The following ELMO1 variants were observed in gnomAD, a reference collection of about 807,000 sequenced individuals.
The protein encoded by ELMO1 is engulfment and cell motility 1.
In ELMO1, 26 loss-of-function variants were observed where a neutral mutation model predicts 98.9. The observed-to-expected ratio is 0.26, with a 90% CI of 0.19 to 0.36. The LOEUF is 0.36. Among genes scored for constraint, ELMO1 ranks in the 10% least tolerant of loss-of-function variants. ELMO1 has a pLI of 1.00. For synonymous variants in ELMO1, 346 were observed against 346.0 expected (o/e 1.00, Z 0.00); for missense variants, 627 against 935.2 (o/e 0.67, Z 4.30).
At chr7:37,213,247 T>G (rs1282454863) in intron 12 of ELMO1, 88 bp downstream of exon 12, 2 of 1,497,924 alleles carry the variant, frequency 1.3e-6, no homozygotes, top group African/African-American at 2.8e-5. Context: ...ACTCTGAAAC[T>G]CCCTAGTTTC....
intron 13 of ELMO1, among the ~76,000 whole-genome samples, chr7:37,158,527 T>C (rs1007712616): frequency 2.6e-5 from 4 of 152,222 alleles, no homozygotes; most frequent in Non-Finnish European, 5.9e-5. Context: ...AGAAGACATT[T>C]ATGCAGCCAA....
intron 13 of ELMO1, among the ~76,000 whole-genome samples, chr7:37,155,503 A>AAAAAAAAAAAAT (rs61189239): frequency 0.055 from 7,308 of 131,722 alleles, 215 homozygotes; most frequent in Middle Eastern, 0.12. Flanking sequence ...AAAAAAAAAA[A>AAAAAAAAAAAAT]AAAAAGCAGG....
chr7:37,335,555 G>A (rs1800355745), intron 2 of ELMO1, among the ~76,000 whole-genome samples: 1 of 152,174 alleles, frequency 6.6e-6, no homozygotes, highest in African/African-American at 2.4e-5. Flanking sequence ...AATCATCCAT[G>A]TCTATTTTTT....
At chr7:36,905,136 GA>G (rs1172082139) in intron 16 of ELMO1, among the ~76,000 whole-genome samples, 1 of 152,176 alleles carries the variant, frequency 6.6e-6, no homozygotes, top group Non-Finnish European at 1.5e-5. Flanking sequence ...TTCTTTTCTG[GA>G]AAACTCTTTC....
intron 13 of ELMO1, among the ~76,000 whole-genome samples, chr7:37,186,448 C>A (rs765168556): frequency 3.9e-5 from 6 of 152,018 alleles, no homozygotes; most frequent in Non-Finnish European, 8.8e-5. Context: ...AAATAAAAAA[C>A]AAACTAGATA....
intron 17 of ELMO1, among the ~76,000 whole-genome samples, chr7:36,890,652 A>C (rs1805473377): frequency 6.6e-6 from 1 of 151,910 alleles, no homozygotes; most frequent in African/African-American, 2.4e-5. Context: ...CACTATAATC[A>C]TTTCTCATCA....
intron 20 of ELMO1, among the ~76,000 whole-genome samples, chr7:36,869,162 A>G (rs941972814): frequency 1.9e-4 from 29 of 152,252 alleles, no homozygotes; most frequent in African/African-American, 6.3e-4. Context: ...GATAGACCAC[A>G]GATCCTGGCC....
chr7:37,314,638 A>C (rs1364345406), intron 4 of ELMO1, among the ~76,000 whole-genome samples: 1 of 152,220 alleles, frequency 6.6e-6, no homozygotes, highest in Non-Finnish European at 1.5e-5. Context: ...TTGCTAAACA[A>C]GACACGAAAC....
chr7:37,104,431 C>T (rs957191953), intron 14 of ELMO1, among the ~76,000 whole-genome samples: 10 of 152,018 alleles, frequency 6.6e-5, no homozygotes, highest in Non-Finnish European at 1.5e-4. Flanking sequence ...GAGGTGGAAC[C>T]CACAAAAATA....
intron 15 of ELMO1, among the ~76,000 whole-genome samples, chr7:37,025,598 A>C (rs1327414169): frequency 6.6e-6 from 1 of 152,030 alleles, no homozygotes; most frequent in Non-Finnish European, 1.5e-5. Context: ...TTCTTGCCTC[A>C]CTGCTTGAGC....
intron 16 of ELMO1, among the ~76,000 whole-genome samples, chr7:36,954,697 T>C (rs1015032199): frequency 6.6e-6 from 1 of 152,198 alleles, no homozygotes; most frequent in Non-Finnish European, 1.5e-5. Context: ...ATTAATAGGC[T>C]GGGCAACTTC....
chr7:36,995,507 A>C (rs1792144664), intron 16 of ELMO1, among the ~76,000 whole-genome samples: 1 of 131,674 alleles, frequency 7.6e-6, no homozygotes, highest in African/African-American at 3.1e-5. Context: ...ACTCTGTCTC[A>C]AAAAAAAAAA....
At chr7:37,216,797 A>G in intron 10 of ELMO1, 102 bp from the exon 11 acceptor site, 2 of 1,120,590 alleles carry the variant, frequency 1.8e-6, no homozygotes, top group Non-Finnish European at 2.7e-6. Flanking sequence ...GTAACTGTAT[A>G]TCAGCAGTAT....
chr7:36,861,733 C>G lies in ELMO1; in HGVS notation c.1909G>C (p.Val637Leu). The G allele has an allele frequency of 1.9e-6, 3 of 1,613,094 alleles. No individual in the cohort carries two copies. The highest frequency in any genetic ancestry group is 2.5e-6 in the Non-Finnish European group (3 of 1,179,832). Residue 637 changes from valine to leucine, a missense_variant, in exon 21 of 22, where the codon GTG becomes CTG. By Grantham distance (32) the Val-to-Leu change is conservative (BLOSUM62 1). Coordinates refer to ENST00000310758, the MANE Select transcript of ELMO1 (RefSeq NM_014800.11). ...EKGALKQNKE[V>L]LELAFSILYD... Reference sequence around the variant, plus strand: ...AAGATGGAGAAAGCGAGTTCAAGCACCTCCTACAAGAGATGAGAGAAAACA... The same window carrying G: ...AAGATGGAGAAAGCGAGTTCAAGCAGCTCCTACAAGAGATGAGAGAAAACA...
At chr7:37,180,347 T>G (rs377610863) in intron 13 of ELMO1, among the ~76,000 whole-genome samples, 1 of 152,120 alleles carries the variant, frequency 6.6e-6, no homozygotes, top group Non-Finnish European at 1.5e-5. Context: ...CATTTTCCCT[T>G]GGGAGGGAGA....
intron 6 of ELMO1, among the ~76,000 whole-genome samples, chr7:37,246,183 G>A (rs191229584): frequency 1.1e-4 from 17 of 152,160 alleles, no homozygotes; most frequent in Admixed American, 7.2e-4. Context: ...GAATAAATAC[G>A]TAGGGAAAAA....
chr7:37,310,171 G>A (rs144791114), intron 4 of ELMO1, among the ~76,000 whole-genome samples: 3 of 152,292 alleles, frequency 2.0e-5, no homozygotes, highest in East Asian at 3.9e-4. Context: ...GAGGCTTAGC[G>A]TATTTCTGTG....
chr7:37,014,878 G>A (rs1202091856), intron 15 of ELMO1, among the ~76,000 whole-genome samples: 3 of 151,956 alleles, frequency 2.0e-5, no homozygotes, highest in African/African-American at 7.3e-5. Flanking sequence ...GAGCCCTGGT[G>A]CCTGCCATGT....
intron 1 of ELMO1, chr7:37,394,045 C>A (rs1240216624): frequency 1.3e-5 from 2 of 152,176 alleles, no homozygotes; most frequent in Non-Finnish European, 2.9e-5. Context: ...CTTTTTGATG[C>A]AAGAAATAAC....
Sources: gnomAD v4.1 joint callset for allele counts (sites outside exome capture counted in the v4.1 genomes callset) on GRCh38, gnomAD v4.1.1 for gene constraint, MANE v1.5 for transcripts, NCBI Gene and HGNC (gene_info 2026-07-23, HGNC 2026-07-21) for gene names.